Variants in NOB1 observed in about 807,000 individuals in gnomAD.
The protein encoded by NOB1 is RNA-binding protein NOB1.
Under a neutral mutation model 44.8 loss-of-function variants are expected in NOB1, and 44 were observed. That is an observed-to-expected ratio of 0.98 (90% CI 0.77 to 1.26). The LOEUF (loss-of-function observed/expected upper bound fraction) is 1.26. Ranked by LOEUF, NOB1 falls within the 50% of genes most tolerant of loss-of-function variation. The pLI is 0.00. For synonymous variants in NOB1, 238 were observed against 218.7 expected, an observed-to-expected ratio of 1.09 and a Z score of -0.78; for missense variants, 560 against 544.8, an observed-to-expected ratio of 1.03 and a Z score of -0.28.
At chr16:69,748,389 A>G in intron 6 of NOB1, 60 bp from the exon 7 acceptor site, 1 of 1,500,706 alleles carries the variant, frequency 6.7e-7, no homozygotes, top group Non-Finnish European at 9.2e-7. Flanking sequence ...TTGTAATTAC[A>G]GTTAAGGGAA....
rs2038457173 is a variant in NOB1 at position 69,748,941 on chromosome 16, G to C, written c.703C>G (p.Leu235Val). 8.1e-6 allele frequency: 13 copies of C among 1,610,586 alleles called. No homozygotes were observed. Among genetic ancestry groups the C allele is most frequent in the Non-Finnish European group, 1.1e-5 (13 of 1,177,878 alleles). The change falls in exon 6 of 9, where the codon CTG becomes GTG. Residue 235 changes from leucine (L) to valine (V), a missense_variant. Leu to Val is a conservative substitution (Grantham distance 32). Coordinates refer to ENST00000268802, the MANE Select transcript of NOB1 (RefSeq NM_014062.3). The part of the protein sequence containing the change: ...DVPEDVRVGC[L>V]TTDFAMQNVL... ...ACCTGCATGGCGAAGTCTGTGGTCA[G>C]GCAGCCAACCCGCACGTCCTCGGGG... is the stretch of plus-strand genomic sequence containing the variant.
intron 3 of NOB1, 107 bp from the exon 4 acceptor site, chr16:69,749,737 G>A (rs2038466788): frequency 3.8e-6 from 3 of 788,308 alleles, no homozygotes; most frequent in Non-Finnish European, 5.9e-6. Context: ...CAGCACTTTA[G>A]GAGGCCGAGG....
intron 7 of NOB1, 26 bp downstream of exon 7, chr16:69,748,206 C>G: frequency 1.9e-6 from 3 of 1,567,000 alleles, no homozygotes; most frequent in Non-Finnish European, 2.6e-6. Flanking sequence ...ACAGAGGGCA[C>G]CAGGGCCAGG....
chr16:69,752,834 C>T (rs1329019219), intron 2 of NOB1, among the ~76,000 whole-genome samples: 8 of 152,006 alleles, frequency 5.3e-5, no homozygotes, highest in African/African-American at 1.5e-4. Context: ...ACTCAGGAGG[C>T]GGAGGCAGGA....
chr16:69,742,965 A>C (rs1249879513), intron 8 of NOB1, among the ~76,000 whole-genome samples: 1 of 152,078 alleles, frequency 6.6e-6, no homozygotes, highest in Non-Finnish European at 1.5e-5. Flanking sequence ...CCCAGTCCCC[A>C]GATCTTTACT....
chr16:69,745,130 G>A (rs556713511), intron 7 of NOB1, 113 bp from the exon 8 acceptor site: 53 of 1,069,436 alleles, frequency 5.0e-5, no homozygotes, highest in African/African-American at 3.5e-4. Flanking sequence ...GGGCTGAACC[G>A]CACCACACAT....
chr16:69,754,858 G>A lies in NOB1; in HGVS notation c.53C>T (p.Ala18Val), dbSNP rs868569248. The A allele has an allele frequency of 1.3e-6, 2 of 1,596,898 alleles. No homozygotes were observed. Among genetic ancestry groups the A allele is most frequent in the African/African-American group, 1.3e-5 (1 of 74,786 alleles). ...VADAGAFLRH[A>V]ALQDIGKNIY... Reference sequence around the variant, plus strand: ...GGGAGCTCCCCGTACCTGCAGAGCCGCATGCCGCAGGAAAGCCCCAGCATC... The same window carrying A: ...GGGAGCTCCCCGTACCTGCAGAGCCACATGCCGCAGGAAAGCCCCAGCATC... The change falls in exon 1 of 9, where the codon GCG (alanine) becomes GTG (valine). Residue 18 changes from alanine to valine, a missense_variant. Ala to Val is a moderately conservative substitution (Grantham distance 64). Transcript: ENST00000268802.
In NOB1 at chr16:69,742,545, C is replaced by A. The variant is rs1438054016; in HGVS notation, c.1026G>T (p.Glu342Asp). 6.2e-7 allele frequency: 1 copy of A among 1,614,012 alleles called. No homozygotes were observed. The highest frequency in any genetic ancestry group is 8.5e-7 in the Non-Finnish European group (1 of 1,180,030). Reference protein sequence around the residue: ...GKYAINPHLTEDQRFPQLRLS... With the variant: ...GKYAINPHLTDDQRFPQLRLS... ...GTCGCAGCTGAGGGAAGCGCTGATC[C>A]TCGGTGAGATGGGGGTTGATGGCGT... Residue 342 changes from glutamate to aspartate, a missense_variant, in exon 9 of 9, where the codon GAG becomes GAT. Coordinates refer to ENST00000268802, the MANE Select transcript of NOB1 (RefSeq NM_014062.3).
chr16:69,743,766 CCTT>C (rs2038405065), intron 8 of NOB1, among the ~76,000 whole-genome samples: 1 of 152,178 alleles, frequency 6.6e-6, no homozygotes, highest in African/African-American at 2.4e-5. Context: ...CAAAAAATCC[CCTT>C]CTTTTGTCAG....
At position 69,742,435 on chromosome 16, in the gene NOB1, G is replaced by A; in HGVS notation, c.1136C>T (p.Ser379Phe). Residue 379 changes from serine to phenylalanine, a missense_variant, in exon 9 of 9, where the codon TCC becomes TTC. Physicochemically the swap from Ser to Phe is radical, Grantham distance 155. Coordinates refer to ENST00000268802, the MANE Select transcript of NOB1 (RefSeq NM_014062.3). ...GACCTGCAGGGTAGCTGAGCGGCTG[G>A]AGATGTCATTCTCGACAAAGGGTGA... ...GVSPFVENDISSRSATLQVRD... is the reference protein window; with the variant it reads ...GVSPFVENDIFSRSATLQVRD... The A allele has an allele frequency of 6.2e-7, 1 of 1,614,256 alleles. No homozygotes were observed. The highest frequency in any genetic ancestry group is 8.5e-7 in the Non-Finnish European group (1 of 1,180,056).
chr16:69,751,918 C>T (rs764617016), intron 3 of NOB1, among the ~76,000 whole-genome samples: 3 of 152,058 alleles, frequency 2.0e-5, no homozygotes, highest in Non-Finnish European at 2.9e-5. Flanking sequence ...AAAAATTAGC[C>T]GGGTGTGGTC....
intron 7 of NOB1, 68 bp downstream of exon 7, chr16:69,748,164 C>T (rs1338726736): frequency 1.6e-6 from 2 of 1,274,614 alleles, no homozygotes; most frequent in African/African-American, 3.0e-5. Flanking sequence ...GACTGTTTCT[C>T]AAAACAAAAA....
intron 7 of NOB1, among the ~76,000 whole-genome samples, chr16:69,745,671 C>T (rs930757811): frequency 6.6e-6 from 1 of 152,218 alleles, no homozygotes. Context: ...AGTGGACTCT[C>T]GACAGGAGAA....
intron 8 of NOB1, 33 bp from the exon 9 acceptor site, chr16:69,742,634 AAGG>A (rs1462110607): frequency 1.2e-6 from 2 of 1,607,950 alleles, no homozygotes; most frequent in East Asian, 2.2e-5. Flanking sequence ...CCATTAGAAG[AAGG>A]GGAGCCACAG....
chr16:69,742,584 G>A lies in NOB1; in HGVS notation c.987C>T (p.Pro329=), dbSNP rs2038393805. The A allele has an allele frequency of 6.2e-7, 1 of 1,614,048 alleles. No homozygotes were observed. Among genetic ancestry groups the A allele is most frequent in the African/African-American group, 1.3e-5 (1 of 75,026 alleles). Residue 329 remains proline (P), a synonymous_variant, in exon 9 of 9, where the codon CCC becomes CCT. Transcript: ENST00000268802. ...PRGLRYSLPT[P]KGGKYAINPH... is the part of the protein sequence containing the mutation. ...GGTTGATGGCGTATTTGCCCCCTTT[G>A]GGAGTGGGAAGCGAGTACTGGAAAT...
At position 69,744,866 on chromosome 16, in the gene NOB1, C is replaced by T; in HGVS notation, c.969+7G>A. The stretch of plus-strand genomic sequence containing the variant: ...GTTGGGAGGGGACTGGGAGAGGCGC[C>T]ACTCACCCGGAGGCCGCGGGGGTTC... On this transcript the variant is annotated splice_region_variant and intron_variant, in intron 8 of 8. Coordinates refer to ENST00000268802, the MANE Select transcript of NOB1 (RefSeq NM_014062.3). 5 of 1,611,840 alleles carry T rather than the reference C, an allele frequency of 3.1e-6. No homozygotes were observed. The highest frequency in any genetic ancestry group is 4.2e-6 in the Non-Finnish European group (5 of 1,179,658).
intron 3 of NOB1, among the ~76,000 whole-genome samples, chr16:69,750,107 G>GA (rs1287362018): frequency 1.3e-5 from 2 of 150,404 alleles, no homozygotes; most frequent in African/African-American, 4.9e-5. Context: ...AGGTTCAAGC[G>GA]ATTCTCATGC....
At chr16:69,745,152 G>T (rs1201484759) in intron 7 of NOB1, 135 bp from the exon 8 acceptor site, 2 of 873,078 alleles carry the variant, frequency 2.3e-6, no homozygotes, top group East Asian at 2.6e-5. Context: ...TCACAAAGAC[G>T]GAGGCCACTG....
At chr16:69,751,709 T>G (rs976399664) in intron 3 of NOB1, among the ~76,000 whole-genome samples, 3 of 152,246 alleles carry the variant, frequency 2.0e-5, no homozygotes, top group Middle Eastern at 3.2e-3. Flanking sequence ...TCTTGATCTT[T>G]AGAGACATAC....
Sources: gnomAD v4.1 joint callset for allele counts (sites outside exome capture counted in the v4.1 genomes callset) on GRCh38, gnomAD v4.1.1 for gene constraint, MANE v1.5 for transcripts, NCBI Gene and HGNC (gene_info 2026-07-23, HGNC 2026-07-21) for gene names.